The following BAG6 variants were observed in gnomAD, a reference collection of about 807,000 sequenced individuals.
The protein encoded by BAG6 is large proline-rich protein BAG6.
Under a neutral mutation model 121.0 loss-of-function variants are expected in BAG6, and 22 were observed. The observed-to-expected ratio is 0.18, with a 90% CI of 0.13 to 0.26. BAG6 has a LOEUF of 0.26. Among genes scored for constraint, BAG6 ranks in the 10% least tolerant of loss-of-function variants. The pLI, the probability that BAG6 is intolerant of heterozygous loss-of-function variation, is 1.00. For synonymous variants in BAG6, 583 were observed against 584.6 expected (o/e 1.00, Z 0.04); for missense variants, 1,233 against 1,537.7 (o/e 0.80, Z 3.31).
At chr6:31,642,045 A>G in intron 16 of BAG6, 67 bp downstream of exon 16, 1 of 1,594,592 alleles carries the variant, frequency 6.3e-7, no homozygotes, top group Non-Finnish European at 8.6e-7. Flanking sequence ...ACACCCCTAA[A>G]CCAAGGCCAT....
At position 31,643,087 on chromosome 6, in the gene BAG6, C is replaced by T. The variant is rs766003428; in HGVS notation, c.1785G>A (p.Pro595=). 7.6e-6 allele frequency: 12 copies of T among 1,581,458 alleles called. No individual in the cohort carries two copies. The highest frequency in any genetic ancestry group is 7.4e-5 in the Admixed American group (4 of 54,384). ...VAQGTPGMAP[P]PAPATASASA... ...TGGCAGAAGCAGTGGCAGGGGCTGG[C>T]GGTGGAGCCATACCTGGGGTCCCCT... Residue 595 remains proline (P), a synonymous_variant, in exon 15 of 26, where the codon CCG becomes CCA. Transcript: ENST00000676615.
Position 31,647,729 on chromosome 6 carries a change from G to C in BAG6, c.650C>G (p.Pro217Arg). The change falls in exon 7 of 26, where the codon CCA (proline) becomes CGA (arginine). Residue 217 changes from proline (P) to arginine (R), a missense_variant. Around this residue, in one of 7 missense-constraint regions of BAG6, gnomAD observed 777 missense variants for 861.4 expected, o/e 0.90. Coordinates refer to ENST00000676615, the MANE Select transcript of BAG6 (RefSeq NM_001387994.1). The stretch of plus-strand genomic sequence containing the variant: ...CCGGGGAGGTGCTTCACTTTCAACT[G>C]GTTCTGATGTTTGAGAGCTCAAGGC... ...PVALSSQTSE[P>R]VESEAPPREP... The C allele has an allele frequency of 1.2e-6, 2 of 1,604,282 alleles. No individual in the cohort carries two copies. The highest frequency in any genetic ancestry group is 1.7e-6 in the Non-Finnish European group (2 of 1,176,824).
At chr6:31,650,353 G>A (rs1426397566) in intron 2 of BAG6, among the ~76,000 whole-genome samples, 2 of 151,870 alleles carry the variant, frequency 1.3e-5, no homozygotes, top group African/African-American at 4.8e-5. Flanking sequence ...AATGAAGAAA[G>A]ACTAAGAAGA....
Position 31,644,216 on chromosome 6 carries a change from G to A in BAG6, c.1556-22C>T. The A allele has an allele frequency of 6.2e-7, 1 of 1,605,182 alleles. No homozygotes were observed. Among genetic ancestry groups the A allele is most frequent in the Non-Finnish European group, 8.5e-7 (1 of 1,176,168 alleles). On this transcript the variant is annotated intron_variant, in intron 12 of 25. Transcript: ENST00000676615. The surrounding 1 kb of genome is among the most constrained non-coding windows in gnomAD (Gnocchi z 4.9). ...TGTCCTGTGGGTGGCAGAAGAGACA[G>A]ACCGAAGAGGGCTGAGGGCCAGGCC...
rs148186069 is a variant in BAG6 at position 31,642,305 on chromosome 6, G to A, written c.2142C>T (p.Gly714=). ...TMPPPGSPSG[G]AGSPGGLGLE... ...GACCCAGGCCTCCAGGACTCCCTGC[G>A]CCACCAGAAGGGGAGCCTGGTGGGG... Residue 714 remains glycine (G), a synonymous_variant, in exon 16 of 26, where the codon GGC becomes GGT. Coordinates refer to ENST00000676615, the MANE Select transcript of BAG6 (RefSeq NM_001387994.1). 1,050 of 1,321,288 alleles carry A rather than the reference G, an allele frequency of 7.9e-4. 5 individuals are homozygous for A. In the East Asian group the frequency reaches 0.019, roughly 23 times the overall value. The allele number at this position is 1,321,288 out of a possible 1,614,324, so 81.8% of individuals were successfully genotyped here. A position where few individuals can be genotyped will look rare whatever the true frequency, so the allele number is the denominator to read the frequency against.
intron 25 of BAG6, 59 bp downstream of exon 25, chr6:31,639,441 G>C (rs1780066104): frequency 6.4e-7 from 1 of 1,571,166 alleles, no homozygotes; most frequent in South Asian, 1.2e-5. Context: ...ATCCAGGGAA[G>C]AGGGACCCTA....
At position 31,645,184 on chromosome 6, in the gene BAG6, G is replaced by C. The variant is rs1355473919; in HGVS notation, c.1131C>G (p.Thr377=). The C allele has an allele frequency of 1.2e-6, 2 of 1,611,050 alleles. No homozygotes were observed. The highest frequency in any genetic ancestry group is 1.7e-5 in the Admixed American group (1 of 59,654). Residue 377 remains threonine (T), a synonymous_variant, in exon 10 of 26, where the codon ACC becomes ACG. Transcript: ENST00000676615. ...TCCCATTTCCTGTCATGGTCACAGTGGTTCCCACATTGATCTGAAAAAGAC... is the reference window on the plus strand; with the variant it reads ...TCCCATTTCCTGTCATGGTCACAGTCGTTCCCACATTGATCTGAAAAAGAC... ...AAIPIQINVG[T]TVTMTGNGTR...
In BAG6 at chr6:31,648,955, A is replaced by G. The variant is rs1350794664; in HGVS notation, c.433T>C (p.Ser145Pro). The G allele has an allele frequency of 1.3e-6, 2 of 1,527,848 alleles. No homozygotes were observed. The highest frequency in any genetic ancestry group is 8.8e-7 in the Non-Finnish European group (1 of 1,140,828). The allele number at this position is 1,527,848 out of a possible 1,614,324, so 94.6% of individuals were successfully genotyped here. Residue 145 changes from serine to proline, a missense_variant, in exon 5 of 26, where the codon TCT becomes CCT. Around this residue, in one of 7 missense-constraint regions of BAG6, gnomAD observed 777 missense variants for 861.4 expected, o/e 0.90. Coordinates refer to ENST00000676615, the MANE Select transcript of BAG6 (RefSeq NM_001387994.1). The part of the protein sequence containing the change: ...VGTFNLPSDG[S>P]AVDVHINMEQ... ...ATGTTGATGTGAACATCCACAGCAG[A>G]GCCGTCACTCTGGGGAAAGGGTAAG...
intron 7 of BAG6, among the ~76,000 whole-genome samples, chr6:31,647,020 G>T (rs28732156): frequency 2.0e-5 from 3 of 151,816 alleles, no homozygotes; most frequent in African/African-American, 7.3e-5. Flanking sequence ...TGATCCACCC[G>T]CCTCGGCCTC....
chr6:31,641,742 G>C lies in BAG6; in HGVS notation c.2505+34C>G. On this transcript the variant is annotated intron_variant, in intron 17 of 25. Transcript: ENST00000676615. The surrounding 1 kb of genome is among the most constrained non-coding windows in gnomAD (Gnocchi z 5.7). ...GAAATAAGGAATAAAATGTGCAAAA[G>C]AGGAGAGTTCTGGGGCCCCTGGCCT... 1 of 1,612,356 alleles carries C rather than the reference G, an allele frequency of 6.2e-7. No individual in the cohort carries two copies. Among genetic ancestry groups the C allele is most frequent in the Non-Finnish European group, 8.5e-7 (1 of 1,179,024 alleles).
At position 31,644,663 on chromosome 6, in the gene BAG6, C is replaced by A. The variant is rs539213968; in HGVS notation, c.1370-61G>T. 22 of 1,526,398 alleles carry A rather than the reference C, an allele frequency of 1.4e-5. No individual in the cohort carries two copies. The Admixed American group carries it at 3.4e-4, about 23-fold the overall frequency. 94.6% of individuals were successfully genotyped at this position (1,526,398 alleles called of 1,614,324 possible). On this transcript the variant is annotated intron_variant, in intron 10 of 25. Coordinates refer to ENST00000676615, the MANE Select transcript of BAG6 (RefSeq NM_001387994.1). The surrounding 1 kb of genome is among the most constrained non-coding windows in gnomAD (Gnocchi z 4.9). Reference sequence around the variant, plus strand: ...GGTAGGGCCAAGGCCTAACTATATCCTTCTGAGATCAGGCATACTTCAGGC... The same window carrying A: ...GGTAGGGCCAAGGCCTAACTATATCATTCTGAGATCAGGCATACTTCAGGC...
intron 8 of BAG6, 70 bp downstream of exon 8, chr6:31,646,324 G>C: frequency 1.3e-6 from 2 of 1,561,702 alleles, no homozygotes; most frequent in Non-Finnish European, 1.7e-6. Flanking sequence ...AGAGTTATCT[G>C]CATTTCAGCC....
chr6:31,652,079 C>T (rs1797510297), intron 1 of BAG6: 1 of 293,250 alleles, frequency 3.4e-6, no homozygotes, highest in Admixed American at 4.2e-5. Flanking sequence ...AGTGTCATCA[C>T]CGGTCACGGC....
chr6:31,641,027 A>G lies in BAG6; in HGVS notation c.2787+77T>C, dbSNP rs962441193. 3.1e-6 allele frequency: 5 copies of G among 1,598,724 alleles called. No homozygotes were observed. The East Asian group carries it at 9.0e-5, about 29-fold the overall frequency. On this transcript the variant is annotated intron_variant, in intron 20 of 25. Coordinates refer to ENST00000676615, the MANE Select transcript of BAG6 (RefSeq NM_001387994.1). This position sits in a 1 kb window ranked among gnomAD's most constrained non-coding sequence, Gnocchi z 5.7. ...CCAGGTTACAGAATGTCAGTTTAGA[A>G]AAGAAAAATGAAAACTGCAGAGAAT...
Position 31,644,894 on chromosome 6 carries a change from G to A in BAG6, c.1369+52C>T. 1 of 1,540,966 alleles carries A rather than the reference G, an allele frequency of 6.5e-7. No homozygotes were observed. Among genetic ancestry groups the A allele is most frequent in the Non-Finnish European group, 8.7e-7 (1 of 1,143,970 alleles). ...ACCCTGTTCCCTCACACCTCAGCAT[G>A]AACCTCCCTCATCATGCTGATCCTG... On this transcript the variant is annotated intron_variant, in intron 10 of 25. Transcript: ENST00000676615. The surrounding 1 kb of genome is among the most constrained non-coding windows in gnomAD (Gnocchi z 4.9).
In BAG6 at chr6:31,641,584, G is replaced by C; in HGVS notation, c.2514C>G (p.Thr838=). 4 of 1,614,128 alleles carry C rather than the reference G, an allele frequency of 2.5e-6. No homozygotes were observed. The highest frequency in any genetic ancestry group is 3.4e-6 in the Non-Finnish European group (4 of 1,179,976). ...EPTPSNIRMA[T]HTLITGLEEY... The stretch of plus-strand genomic sequence containing the variant: ...CTTCTAGCCCCGTGATCAATGTGTG[G>C]GTTGCCATCTGTGGAGGAAACAGAA... The change falls in exon 18 of 26, where the codon ACC becomes ACG. Residue 838 remains threonine (T), a synonymous_variant. Transcript: ENST00000676615. The surrounding 1 kb of genome is among the most constrained non-coding windows in gnomAD (Gnocchi z 5.7).
chr6:31,642,198 G>A lies in BAG6; in HGVS notation c.2249C>T (p.Ala750Val). ...SSLLGSLGARAGSSESIAAFI... is the reference protein window; with the variant it reads ...SSLLGSLGARVGSSESIAAFI... ...GGCAGCAATACTTTCACTGCTGCCA[G>A]CCCGAGCCCCCAGGGAGCCCAGCAG... The change falls in exon 16 of 26, where the codon GCT becomes GTT. Residue 750 changes from alanine (A) to valine (V), a missense_variant. Ala to Val is a moderately conservative substitution (Grantham distance 64). Transcript: ENST00000676615. 1.2e-6 allele frequency: 2 copies of A among 1,612,972 alleles called. No individual in the cohort carries two copies. The highest frequency in any genetic ancestry group is 1.7e-6 in the Non-Finnish European group (2 of 1,180,002).
At position 31,644,043 on chromosome 6, in the gene BAG6, T is replaced by C. The variant is rs750759252; in HGVS notation, c.1668+39A>G. 9 of 1,612,340 alleles carry C rather than the reference T, an allele frequency of 5.6e-6. No individual in the cohort carries two copies. The highest frequency in any genetic ancestry group is 7.6e-6 in the Non-Finnish European group (9 of 1,178,750). Reference sequence around the variant, plus strand: ...ATGCACCACCACAGGAGTCTCTCCCTAGACTGTTACGCACTAGAACTCCCC... The same window carrying C: ...ATGCACCACCACAGGAGTCTCTCCCCAGACTGTTACGCACTAGAACTCCCC... On this transcript the variant is annotated intron_variant, in intron 13 of 25. Coordinates refer to ENST00000676615, the MANE Select transcript of BAG6 (RefSeq NM_001387994.1). The surrounding 1 kb of genome is among the most constrained non-coding windows in gnomAD (Gnocchi z 4.9).
chr6:31,648,892 C>G lies in BAG6; in HGVS notation c.477+19G>C. On this transcript the variant is annotated intron_variant, in intron 5 of 25. Coordinates refer to ENST00000676615, the MANE Select transcript of BAG6 (RefSeq NM_001387994.1). ...TTCTCCCAGATCCCCTTCCCTGACCCTCGGAGGCCCCTCAATACCTGAATC... is the reference window on the plus strand; with the variant it reads ...TTCTCCCAGATCCCCTTCCCTGACCGTCGGAGGCCCCTCAATACCTGAATC... 1 of 1,545,902 alleles carries G rather than the reference C, an allele frequency of 6.5e-7. No individual in the cohort carries two copies. Among genetic ancestry groups the G allele is most frequent in the Non-Finnish European group, 8.7e-7 (1 of 1,146,918 alleles).
Sources: gnomAD v4.1 joint callset for allele counts (sites outside exome capture counted in the v4.1 genomes callset) on GRCh38, gnomAD v4.1.1 for gene constraint, gnomAD v4.1.1 regional missense constraint, Gnocchi (gnomAD v3.1) non-coding constraint, MANE v1.5 for transcripts, NCBI Gene and HGNC (gene_info 2026-07-23, HGNC 2026-07-21) for gene names.